Variants in ZNF644 observed in about 807,000 individuals in gnomAD.
The protein encoded by ZNF644 is zinc finger motif enhancer binding protein 2.
In ZNF644, 20 loss-of-function variants were observed where a neutral mutation model predicts 108.0. That is an observed-to-expected ratio of 0.19 (90% CI 0.13 to 0.27). The LOEUF (loss-of-function observed/expected upper bound fraction) is 0.27. Ranked by LOEUF, ZNF644 falls within the 10% of genes least tolerant of loss-of-function variation. The pLI is 1.00. For missense variants in ZNF644, 1,338 were observed against 1,548.9 expected (o/e 0.86, Z 2.29); for synonymous variants, 542 against 539.1 (o/e 1.01, Z -0.08).
chr1:90,944,928 T>A (rs376858414), intron 2 of ZNF644, among the ~76,000 whole-genome samples: 8 of 152,302 alleles, frequency 5.3e-5, no homozygotes, highest in African/African-American at 1.7e-4. Flanking sequence ...GAATAATTGA[T>A]ACAGAATTTT....
Position 90,939,678 on chromosome 1 carries a change from G to C in ZNF644, c.1676C>G (p.Ser559Cys). 1 of 1,614,000 alleles carries C rather than the reference G, an allele frequency of 6.2e-7. No homozygotes were observed. The highest frequency in any genetic ancestry group is 8.5e-7 in the Non-Finnish European group (1 of 1,179,948). Residue 559 changes from serine to cysteine, a missense_variant, in exon 3 of 6, where the codon TCT becomes TGT. Around this residue, in one of 6 missense-constraint regions of ZNF644, gnomAD observed 462 missense variants for 472.6 expected, o/e 0.98. Coordinates refer to ENST00000337393, the MANE Select transcript of ZNF644 (RefSeq NM_201269.3). Reference sequence around the variant, plus strand: ...TTGTGTTTTTCTCTGGGCAATATCAGAAGTGACCATAGGGCATTTTACCAC... The same window carrying C: ...TTGTGTTTTTCTCTGGGCAATATCACAAGTGACCATAGGGCATTTTACCAC... Reference protein sequence around the residue: ...GAVVKCPMVTSDIAQRKTQKK... With the variant: ...GAVVKCPMVTCDIAQRKTQKK...
At position 90,938,245 on chromosome 1, in the gene ZNF644, C is replaced by A; in HGVS notation, c.3082+27G>T. On this transcript the variant is annotated intron_variant, in intron 3 of 5. Coordinates refer to ENST00000337393, the MANE Select transcript of ZNF644 (RefSeq NM_201269.3). The surrounding 1 kb of genome is among the most constrained non-coding windows in gnomAD (Gnocchi z 4.2). ...CAGAATTAGAACACAGACCTATCAG[C>A]CCAAATCATCCCCATGGAGAACTTA... is the stretch of plus-strand genomic sequence containing the variant. 1.2e-6 allele frequency: 2 copies of A among 1,613,892 alleles called. No homozygotes were observed. The highest frequency in any genetic ancestry group is 1.7e-6 in the Non-Finnish European group (2 of 1,179,824).
In ZNF644 at chr1:91,007,242, T is replaced by G. The variant is rs1347032080; in HGVS notation, c.-18+14748A>C. On this transcript the variant is annotated intron_variant, in intron 1 of 5. Coordinates refer to ENST00000337393, the MANE Select transcript of ZNF644 (RefSeq NM_201269.3). ...CCCATTTTGTTTTTTTTTTTTTTTT[T>G]TTTTTTTTTTTGAGACAGTGTCTCG... 8.6e-5 allele frequency among the ~76,000 whole-genome samples: 12 copies of G among 139,714 alleles called. No individual in the cohort carries two copies. The East Asian group carries it at 1.0e-3, about 12-fold the overall frequency. 91.7% of individuals were successfully genotyped at this position (139,714 alleles called of 152,430 possible).
intron 2 of ZNF644, among the ~76,000 whole-genome samples, chr1:90,976,010 A>G (rs1000087699): frequency 1.3e-5 from 2 of 152,212 alleles, no homozygotes; most frequent in African/African-American, 4.8e-5. Flanking sequence ...AAACAGTTCA[A>G]ATAATAAATT....
At chr1:90,947,494 T>C (rs1157128505) in intron 2 of ZNF644, among the ~76,000 whole-genome samples, 2 of 152,178 alleles carry the variant, frequency 1.3e-5, no homozygotes, top group African/African-American at 4.8e-5. Flanking sequence ...GTCAATCCCA[T>C]ACTCCAGGGG....
chr1:90,938,732 T>C lies in ZNF644; in HGVS notation c.2622A>G (p.Ile874Met). ...TAATATCACTATAGGTTTCATCTTC[T>C]ATGGCCTGTGTAGTGTAGTCTCCTA... is the stretch of plus-strand genomic sequence containing the variant. ...VELGDYTTQA[I>M]EDETYSDINQ... The change falls in exon 3 of 6, where the codon ATA becomes ATG. Residue 874 changes from isoleucine to methionine, a missense_variant. Ile to Met is a conservative substitution (Grantham distance 10). Coordinates refer to ENST00000337393, the MANE Select transcript of ZNF644 (RefSeq NM_201269.3). This position sits in a 1 kb window ranked among gnomAD's most constrained non-coding sequence, Gnocchi z 4.2. The C allele has an allele frequency of 6.2e-7, 1 of 1,613,986 alleles. No homozygotes were observed. Among genetic ancestry groups the C allele is most frequent in the Non-Finnish European group, 8.5e-7 (1 of 1,179,916 alleles).
chr1:90,973,827 T>A (rs189915975), intron 2 of ZNF644, among the ~76,000 whole-genome samples: 2 of 152,274 alleles, frequency 1.3e-5, no homozygotes, highest in East Asian at 1.9e-4. Flanking sequence ...TTTGCAATCA[T>A]AAATATCAAG....
At chr1:90,971,923 T>C (rs149120963) in intron 2 of ZNF644, among the ~76,000 whole-genome samples, 48 of 152,286 alleles carry the variant, frequency 3.2e-4, no homozygotes, top group African/African-American at 1.1e-3. Context: ...TCTTATATTC[T>C]TATATTATTC....
At chr1:90,969,969 C>T (rs1655295703) in intron 2 of ZNF644, among the ~76,000 whole-genome samples, 1 of 152,102 alleles carries the variant, frequency 6.6e-6, no homozygotes, top group African/African-American at 2.4e-5. Context: ...CATTTAAGTT[C>T]TACTGTGATA....
intron 4 of ZNF644, among the ~76,000 whole-genome samples, chr1:90,920,115 T>A (rs1208125185): frequency 1.3e-5 from 2 of 152,052 alleles, no homozygotes; most frequent in Non-Finnish European, 2.9e-5. Flanking sequence ...TTCAGGGAAC[T>A]CAAAGAGTAA....
intron 2 of ZNF644, among the ~76,000 whole-genome samples, chr1:90,968,431 G>C (rs957370412): frequency 1.3e-5 from 2 of 151,516 alleles, no homozygotes; most frequent in Non-Finnish European, 2.9e-5. Flanking sequence ...TTTCGGTTTT[G>C]GGGGGGGAGC....
intron 1 of ZNF644, among the ~76,000 whole-genome samples, chr1:90,983,358 T>C (rs888801345): frequency 1.3e-5 from 2 of 150,598 alleles, no homozygotes; most frequent in African/African-American, 4.9e-5. Flanking sequence ...AACTAAACTA[T>C]AAAATAAAAG....
At chr1:90,929,879 GT>G (rs1557552524) in intron 4 of ZNF644, among the ~76,000 whole-genome samples, 4 of 152,272 alleles carry the variant, frequency 2.6e-5, no homozygotes, top group African/African-American at 9.6e-5. Context: ...TTTTAAAAAC[GT>G]TAATATATTG....
At position 91,010,943 on chromosome 1, in the gene ZNF644, C is replaced by T. The variant is rs1659909805; in HGVS notation, c.-18+11047G>A. 2.0e-5 allele frequency among the ~76,000 whole-genome samples: 3 copies of T among 152,096 alleles called. No individual in the cohort carries two copies. The South Asian group carries it at 6.2e-4, about 31-fold the overall frequency. On this transcript the variant is annotated intron_variant, in intron 1 of 5. Coordinates refer to ENST00000337393, the MANE Select transcript of ZNF644 (RefSeq NM_201269.3). Reference sequence around the variant, plus strand: ...AACATAACATTCATTTTTGTCAAAACAACATGTAAACATAGAACACAAACT... The same window carrying T: ...AACATAACATTCATTTTTGTCAAAATAACATGTAAACATAGAACACAAACT...
intron 1 of ZNF644, among the ~76,000 whole-genome samples, chr1:91,006,001 T>A (rs112237252): frequency 3.3e-5 from 5 of 151,828 alleles, no homozygotes; most frequent in African/African-American, 1.2e-4. Context: ...TTGACAAACC[T>A]TTAGCTCAAC....
At chr1:90,987,790 G>A (rs906399831) in intron 1 of ZNF644, among the ~76,000 whole-genome samples, 41 of 151,974 alleles carry the variant, frequency 2.7e-4, no homozygotes, top group African/African-American at 8.9e-4. Flanking sequence ...AACAAAATAG[G>A]AGCAAAACAA....
intron 1 of ZNF644, among the ~76,000 whole-genome samples, chr1:90,986,574 G>GA (rs1365905045): frequency 6.6e-6 from 1 of 151,992 alleles, no homozygotes; most frequent in African/African-American, 2.4e-5. Flanking sequence ...GGGGTGGTTA[G>GA]AATATGGGAA....
chr1:90,963,626 A>G (rs1159624188), intron 2 of ZNF644, among the ~76,000 whole-genome samples: 2 of 152,196 alleles, frequency 1.3e-5, no homozygotes, highest in East Asian at 3.8e-4. Context: ...GACATCTGAC[A>G]AAATTTCTAA....
intron 1 of ZNF644, among the ~76,000 whole-genome samples, chr1:91,013,358 G>GTA (rs1309378527): frequency 1.3e-5 from 2 of 152,058 alleles, no homozygotes; most frequent in African/African-American, 2.4e-5. Context: ...CTACAGGCAT[G>GTA]AGCCAATGCA....
Sources: allele counts gnomAD v4.1 joint callset (sites outside exome capture counted in the v4.1 genomes callset), GRCh38; gene constraint gnomAD v4.1.1; regional missense constraint gnomAD v4.1.1; non-coding constraint Gnocchi (gnomAD v3.1); transcripts MANE v1.5; gene names NCBI Gene and HGNC (gene_info 2026-07-23, HGNC 2026-07-21).